The following UBE3D variants were observed in gnomAD, a reference collection of about 807,000 sequenced individuals.
UBE3D encodes the protein ubiquitin protein ligase E3D.
A neutral mutation model predicts 49.6 loss-of-function variants in UBE3D; 48 were observed. The observed-to-expected ratio is 0.97, with a 90% CI of 0.77 to 1.23. The LOEUF (loss-of-function observed/expected upper bound fraction) is 1.23. UBE3D is among the 50% of genes most tolerant of loss of function. The probability of loss-of-function intolerance (pLI) is 0.00; values close to 1 mark genes in which losing one functional copy is unlikely to be tolerated. For missense variants in UBE3D, 452 were observed against 468.4 expected (o/e 0.96, Z 0.32); for synonymous variants, 189 against 174.2 (o/e 1.08, Z -0.67).
chr6:82,979,197 A>G (rs1451512755), intron 8 of UBE3D, among the ~76,000 whole-genome samples: 2 of 152,182 alleles, frequency 1.3e-5, no homozygotes, highest in African/African-American at 4.8e-5. Flanking sequence ...TGCTTAATAC[A>G]TACTTGCTAA....
At chr6:82,972,468 T>C (rs1777423057) in intron 8 of UBE3D, among the ~76,000 whole-genome samples, 1 of 152,198 alleles carries the variant, frequency 6.6e-6, no homozygotes, top group East Asian at 1.9e-4. Context: ...TCATGCTACC[T>C]GTGCAAGAGC....
intron 8 of UBE3D, among the ~76,000 whole-genome samples, chr6:83,016,879 G>C (rs982875227): frequency 7.2e-5 from 11 of 152,174 alleles, no homozygotes; most frequent in Non-Finnish European, 1.2e-4. Context: ...ATGTAGGCTG[G>C]GAGGCTAAGC....
At chr6:82,945,135 T>C (rs1562108663) in intron 9 of UBE3D, among the ~76,000 whole-genome samples, 3 of 152,146 alleles carry the variant, frequency 2.0e-5, no homozygotes, top group African/African-American at 7.2e-5. Context: ...TGGCCAAGTA[T>C]TGGTTACAGT....
downstream of UBE3D, among the ~76,000 whole-genome samples, chr6:82,889,172 T>C (rs1328891): frequency 0.33 from 49,515 of 152,098 alleles, 9,430 homozygotes; most frequent in African/African-American, 0.51. Flanking sequence ...TAGACTAAGA[T>C]GTACCAATCA....
intron 4 of UBE3D, among the ~76,000 whole-genome samples, chr6:83,040,360 G>T (rs535089367): frequency 1.0e-3 from 156 of 149,346 alleles, no homozygotes; most frequent in African/African-American, 3.6e-3. Flanking sequence ...CTCCAGCCTG[G>T]GCAACAGAGC....
At position 83,065,762 on chromosome 6, in the gene UBE3D, G is replaced by C. The variant is rs766171018; in HGVS notation, c.-44C>G. On this transcript the variant is annotated 5_prime_UTR_variant, in exon 1 of 10. Coordinates refer to ENST00000369747, the MANE Select transcript of UBE3D (RefSeq NM_198920.3). ...GACCGGACCAAGCTGGAGGTTCCGA[G>C]GGGCCCGGGTCAACAGGACCAGGAG... is the stretch of plus-strand genomic sequence containing the variant. 1 of 1,571,364 alleles carries C rather than the reference G, an allele frequency of 6.4e-7. No individual in the cohort carries two copies. Among genetic ancestry groups the C allele is most frequent in the Non-Finnish European group, 8.7e-7 (1 of 1,155,228 alleles).
chr6:82,890,289 G>C (rs1456331115), downstream of UBE3D, among the ~76,000 whole-genome samples: 1 of 152,122 alleles, frequency 6.6e-6, no homozygotes, highest in Admixed American at 6.5e-5. Context: ...GCAACAAAAA[G>C]ATAGAAAGAG....
At chr6:82,910,711 T>G (rs1340844574) in intron 9 of UBE3D, among the ~76,000 whole-genome samples, 2 of 152,146 alleles carry the variant, frequency 1.3e-5, no homozygotes, top group Non-Finnish European at 2.9e-5. Flanking sequence ...GGGGTAACAT[T>G]GCAAGAGTCC....
intron 5 of UBE3D, among the ~76,000 whole-genome samples, chr6:83,026,827 C>T (rs1781494923): frequency 6.6e-6 from 1 of 152,006 alleles, no homozygotes; most frequent in South Asian, 2.1e-4. Context: ...GAGTAGCTAG[C>T]ACTACAGGCA....
chr6:82,912,061 T>C (rs1316489828), intron 9 of UBE3D, among the ~76,000 whole-genome samples: 1 of 152,166 alleles, frequency 6.6e-6, no homozygotes, highest in African/African-American at 2.4e-5. Context: ...TTTAAGAAAT[T>C]TGTTCTGAAG....
chr6:82,949,585 G>A (rs146642187), intron 9 of UBE3D, among the ~76,000 whole-genome samples: 1,551 of 152,148 alleles, frequency 0.01, 91 homozygotes, highest in Admixed American at 0.091. Context: ...AACAAAACTG[G>A]AGGAATCACA....
intron 1 of UBE3D, among the ~76,000 whole-genome samples, chr6:83,060,226 A>G (rs1437611212): frequency 1.3e-5 from 2 of 152,148 alleles, no homozygotes; most frequent in African/African-American, 4.8e-5. Flanking sequence ...GTCAACAATG[A>G]GCAGGGGGAG....
At chr6:82,899,019 G>C (rs1771538980) in intron 9 of UBE3D, among the ~76,000 whole-genome samples, 3 of 151,866 alleles carry the variant, frequency 2.0e-5, no homozygotes. Context: ...TCCTAAGGTG[G>C]AGTAAATTTA....
At chr6:82,898,823 T>A (rs1403150609) in intron 9 of UBE3D, among the ~76,000 whole-genome samples, 1 of 152,064 alleles carries the variant, frequency 6.6e-6, no homozygotes, top group East Asian at 1.9e-4. Context: ...ACTTAAAGTA[T>A]AATAAAAAAA....
At chr6:82,933,828 G>A (rs1774345697) in intron 9 of UBE3D, among the ~76,000 whole-genome samples, 1 of 152,140 alleles carries the variant, frequency 6.6e-6, no homozygotes, top group African/African-American at 2.4e-5. Context: ...GCTATACTCA[G>A]AAAACAAGCT....
intron 3 of UBE3D, among the ~76,000 whole-genome samples, chr6:83,046,251 TCCC>T (rs1783023309): frequency 1.3e-5 from 2 of 151,922 alleles, no homozygotes; most frequent in South Asian, 4.1e-4. Flanking sequence ...TTTTAACAAT[TCCC>T]CCATGTTAAC....
intron 8 of UBE3D, among the ~76,000 whole-genome samples, chr6:82,996,255 G>C (rs954124672): frequency 1.3e-5 from 2 of 151,808 alleles, no homozygotes; most frequent in Non-Finnish European, 2.9e-5. Context: ...TAGGCAAAGG[G>C]ACATGAGAGT....
chr6:82,980,257 T>C (rs1368866218), intron 8 of UBE3D, among the ~76,000 whole-genome samples: 1 of 152,136 alleles, frequency 6.6e-6, no homozygotes, highest in Non-Finnish European at 1.5e-5. Context: ...CTGTTCTTTT[T>C]TTTGACGTTT....
At chr6:82,885,713 A>T in the UBE3D span, among the ~76,000 whole-genome samples, 2 of 152,190 alleles carry the variant, frequency 1.3e-5, no homozygotes, top group Admixed American at 1.3e-4. Flanking sequence ...CTGAGAAGTC[A>T]GGAGGAAGGG....
Sources: allele counts gnomAD v4.1 joint callset (sites outside exome capture counted in the v4.1 genomes callset), GRCh38; gene constraint gnomAD v4.1.1; transcripts MANE v1.5; gene names NCBI Gene and HGNC (gene_info 2026-07-23, HGNC 2026-07-21).